The following INF2 variants were observed in gnomAD, a reference collection of about 807,000 sequenced individuals.
INF2 encodes the protein inverted formin-2.
In INF2, 43 loss-of-function variants were observed where a neutral mutation model predicts 123.5. The ratio of observed to expected loss-of-function variants is 0.35; its 90% confidence interval spans 0.27 to 0.45. The LOEUF is 0.45. INF2 is among the 20% of genes least tolerant of loss of function. The pLI is 1.00. For synonymous variants in INF2, 851 were observed against 745.0 expected, an observed-to-expected ratio of 1.14 and a Z score of -2.32; for missense variants, 1,453 against 1,682.7, an observed-to-expected ratio of 0.86 and a Z score of 2.39.
chr14:104,681,293 A>G (rs1184204401), exon 1 of INF2: 1 of 393,742 alleles, frequency 2.5e-6, no homozygotes, highest in South Asian at 1.9e-5. Context: ...TGCTCACTGA[A>G]TAAAGCACTG....
In INF2 at chr14:104,699,821, G is replaced by A. The variant is rs188301989; in HGVS notation, c.-9-1536G>A. Among the ~76,000 whole-genome samples, 70 of 152,270 alleles carry A rather than the reference G, an allele frequency of 4.6e-4. No homozygotes were observed. The highest frequency in any genetic ancestry group is 1.3e-4 in the Admixed American group (2 of 15,306). On this transcript the variant is annotated intron_variant, in intron 1 of 22. Coordinates refer to ENST00000392634, the MANE Select transcript of INF2 (RefSeq NM_022489.4). The surrounding 1 kb of genome is among the most constrained non-coding windows in gnomAD (Gnocchi z 4.7). The stretch of plus-strand genomic sequence containing the variant: ...AGGCCCAGGCAGGATGAGTGACTGG[G>A]CCAAGGTCTGCTGGTGAGGGCCCGG...
rs768451553 is a variant in INF2 at position 104,714,600 on chromosome 14, C to T, written c.3438C>T (p.Asp1146=). The change falls in exon 21 of 23, where the codon GAC becomes GAT. Residue 1146 remains aspartate (D), a synonymous_variant. Transcript: ENST00000392634. ...TGGGCGTCCTCCAGGCCGAGGCCGACAGCACAAGTGAGGGGCTGGAGGACG... is the reference window on the plus strand; with the variant it reads ...TGGGCGTCCTCCAGGCCGAGGCCGATAGCACAAGTGAGGGGCTGGAGGACG... ...SLLGVLQAEA[D]STSEGLEDAV... 2 of 1,612,588 alleles carry T rather than the reference C, an allele frequency of 1.2e-6. No homozygotes were observed. The highest frequency in any genetic ancestry group is 1.7e-5 in the Admixed American group (1 of 60,020).
chr14:104,714,236 G>A lies in INF2; in HGVS notation c.3074G>A (p.Gly1025Asp), dbSNP rs767556442. 2 of 1,568,482 alleles carry A rather than the reference G, an allele frequency of 1.3e-6. No individual in the cohort carries two copies. The highest frequency in any genetic ancestry group is 1.4e-5 in the African/African-American group (1 of 73,936). ...ATSNPAGDPVGSTRCPASEPG... is the reference protein window; with the variant it reads ...ATSNPAGDPVDSTRCPASEPG... ...AGTAACCCTGCAGGAGATCCCGTGG[G>A]CAGCACGCGCTGTCCCGCCTCTGAG... is the stretch of plus-strand genomic sequence containing the variant. Residue 1025 changes from glycine (G) to aspartate (D), a missense_variant, in exon 21 of 23, where the codon GGC (glycine) becomes GAC (aspartate). Gly to Asp is a moderately conservative substitution (Grantham distance 94). Coordinates refer to ENST00000392634, the MANE Select transcript of INF2 (RefSeq NM_022489.4).
intron 7 of INF2, 29 bp downstream of exon 7, chr14:104,707,080 C>T: frequency 6.4e-7 from 1 of 1,559,660 alleles, no homozygotes; most frequent in Non-Finnish European, 8.6e-7. Context: ...GGCGTAGGCA[C>T]AGCCTGGTGG....
Position 104,699,347 on chromosome 14 carries a change from C to T in INF2, c.-9-2010C>T. 1.0e-6 allele frequency: 1 copy of T among 973,758 alleles called. No homozygotes were observed. The highest frequency in any genetic ancestry group is 1.2e-6 in the Non-Finnish European group (1 of 819,440). 60.3% of individuals were successfully genotyped at this position (973,758 alleles called of 1,614,324 possible). A position where few individuals can be genotyped will look rare whatever the true frequency, so the allele number is the denominator to read the frequency against. On this transcript the variant is annotated intron_variant, in intron 1 of 22. Transcript: ENST00000392634. This position sits in a 1 kb window ranked among gnomAD's most constrained non-coding sequence, Gnocchi z 4.7. Reference sequence around the variant, plus strand: ...GAAAGGAGGGTCAGTTCTGGGGCCTCTTTAGGCAGCAACAGCCAAGGCGGG... The same window carrying T: ...GAAAGGAGGGTCAGTTCTGGGGCCTTTTTAGGCAGCAACAGCCAAGGCGGG...
intron 1 of INF2, among the ~76,000 whole-genome samples, chr14:104,695,494 C>G (rs755200674): frequency 6.8e-6 from 1 of 147,298 alleles, no homozygotes; most frequent in Non-Finnish European, 1.5e-5. Flanking sequence ...CCTGCACACC[C>G]TCAGTGCAGG....
At position 104,699,601 on chromosome 14, in the gene INF2, G is replaced by A; in HGVS notation, c.-9-1756G>A. 1.0e-6 allele frequency: 1 copy of A among 985,226 alleles called. No individual in the cohort carries two copies. The highest frequency in any genetic ancestry group is 1.2e-6 in the Non-Finnish European group (1 of 829,826). 61.0% of individuals were successfully genotyped at this position (985,226 alleles called of 1,614,324 possible). ...GCCGGAAGGTCTTGCGCATCTGGGT[G>A]AGTGGACGGCCACTGGGTGACCAAG... On this transcript the variant is annotated intron_variant, in intron 1 of 22. Transcript: ENST00000392634. This position sits in a 1 kb window ranked among gnomAD's most constrained non-coding sequence, Gnocchi z 4.7.
At chr14:104,683,775 C>A (rs1888590558) in intron 1 of INF2, among the ~76,000 whole-genome samples, 1 of 152,162 alleles carries the variant, frequency 6.6e-6, no homozygotes, top group Admixed American at 6.5e-5. Context: ...GATCATCAGG[C>A]AAGATCCAAT....
At chr14:104,692,594 G>T (rs1159324696) in intron 1 of INF2, among the ~76,000 whole-genome samples, 1 of 152,214 alleles carries the variant, frequency 6.6e-6, no homozygotes, top group Non-Finnish European at 1.5e-5. Flanking sequence ...TCGGGGGTTG[G>T]TGGGGCAGGA....
chr14:104,711,807 C>A (rs1156671817), intron 16 of INF2, 108 bp downstream of exon 16: 7 of 1,027,148 alleles, frequency 6.8e-6, no homozygotes, highest in Non-Finnish European at 1.0e-5. Flanking sequence ...AGCTGCAGCG[C>A]AGCCCCGGCG....
At chr14:104,700,706 C>A in intron 1 of INF2, 1 of 324,578 alleles carries the variant, frequency 3.1e-6, no homozygotes, top group South Asian at 1.2e-4. Flanking sequence ...GCGACTGAAT[C>A]CTGGTAAAAC....
chr14:104,716,756 T>C (rs1401172152), intron 22 of INF2, among the ~76,000 whole-genome samples: 8 of 152,230 alleles, frequency 5.3e-5, no homozygotes, highest in Admixed American at 4.6e-4. Context: ...AGTGGTGCGA[T>C]CTGAGCTCAC....
At chr14:104,703,050 A>G in intron 2 of INF2, 55 bp from the exon 3 acceptor site, 6 of 1,416,698 alleles carry the variant, frequency 4.2e-6, no homozygotes, top group Non-Finnish European at 5.0e-6. Context: ...CCAGCTGCAC[A>G]GGCATGGGAA....
At chr14:104,692,484 C>T (rs1471400154) in intron 1 of INF2, among the ~76,000 whole-genome samples, 1 of 152,214 alleles carries the variant, frequency 6.6e-6, no homozygotes, top group Non-Finnish European at 1.5e-5. Context: ...CCCCCCAGCC[C>T]TTGTTGCTAC....
chr14:104,686,546 G>A (rs1412288799), upstream of INF2, among the ~76,000 whole-genome samples: 1 of 152,120 alleles, frequency 6.6e-6, no homozygotes, highest in African/African-American at 2.4e-5. Flanking sequence ...GGGTGGACAT[G>A]GGTGAGCAGG....
At chr14:104,691,782 CCT>C (rs1230010520) in intron 1 of INF2, among the ~76,000 whole-genome samples, 1 of 152,118 alleles carries the variant, frequency 6.6e-6, no homozygotes, top group Admixed American at 6.5e-5. Flanking sequence ...CACCTGGCCC[CCT>C]GTTAGAGAGG....
chr14:104,700,249 G>A (rs1273688445), intron 1 of INF2, among the ~76,000 whole-genome samples: 1 of 152,184 alleles, frequency 6.6e-6, no homozygotes, highest in Non-Finnish European at 1.5e-5. Flanking sequence ...GGGACTGTGG[G>A]CACAGACCCA....
chr14:104,703,843 T>C, intron 4 of INF2, 73 bp from the exon 5 acceptor site: 12 of 1,606,996 alleles, frequency 7.5e-6, no homozygotes, highest in Non-Finnish European at 1.0e-5. Flanking sequence ...TCAGGTGCTC[T>C]GGGTGGCAGA....
intron 5 of INF2, 51 bp from the exon 6 acceptor site, chr14:104,705,984 G>T: frequency 1.3e-6 from 2 of 1,588,800 alleles, no homozygotes; most frequent in Non-Finnish European, 1.7e-6. Context: ...CCCCGCCTGC[G>T]TGTTGGTGGT....
Sources: allele counts gnomAD v4.1 joint callset (sites outside exome capture counted in the v4.1 genomes callset), GRCh38; gene constraint gnomAD v4.1.1; non-coding constraint Gnocchi (gnomAD v3.1); transcripts MANE v1.5; gene names NCBI Gene and HGNC (gene_info 2026-07-23, HGNC 2026-07-21).